Variants in PDE1A observed in about 807,000 individuals in gnomAD.
The protein encoded by PDE1A is phosphodiesterase 1A.
In PDE1A, 35 loss-of-function variants were observed where a neutral mutation model predicts 61.7. The ratio of observed to expected loss-of-function variants is 0.57; its 90% CI spans 0.43 to 0.75. PDE1A has a LOEUF of 0.75. Among genes scored for constraint, PDE1A ranks in the 30% least tolerant of loss-of-function variants. The pLI is 0.00. For synonymous variants in PDE1A, 232 were observed against 213.2 expected (o/e 1.09, Z -0.77); for missense variants, 597 against 630.6 (o/e 0.95, Z 0.57).
chr2:182,560,856 T>C, the PDE1A span, among the ~76,000 whole-genome samples: 1 of 152,204 alleles, frequency 6.6e-6, no homozygotes, highest in African/African-American at 2.4e-5. Flanking sequence ...GCTGCATAAA[T>C]GTCTTCTGAG....
chr2:182,162,064 G>T (rs1691412829), intron 13 of PDE1A, among the ~76,000 whole-genome samples: 1 of 152,124 alleles, frequency 6.6e-6, no homozygotes, highest in South Asian at 2.1e-4. Context: ...CCCCCACACT[G>T]GGAGGGTCCA....
At chr2:182,479,293 A>AT (rs1308170966) in intron 2 of PDE1A, among the ~76,000 whole-genome samples, 1 of 151,850 alleles carries the variant, frequency 6.6e-6, no homozygotes, top group Non-Finnish European at 1.5e-5. Flanking sequence ...CTGTCATTAC[A>AT]TTTACTCCCA....
At chr2:182,220,542 G>C (rs1233220410) in intron 7 of PDE1A, among the ~76,000 whole-genome samples, 4 of 152,094 alleles carry the variant, frequency 2.6e-5, no homozygotes, top group Non-Finnish European at 5.9e-5. Flanking sequence ...TCTAATGTTT[G>C]AGATGGTCTT....
intron 2 of PDE1A, among the ~76,000 whole-genome samples, chr2:182,251,267 C>G (rs1691381251): frequency 6.6e-6 from 1 of 152,050 alleles, no homozygotes; most frequent in Non-Finnish European, 1.5e-5. Flanking sequence ...GTTCCTTTAT[C>G]AGTACAAAAA....
chr2:182,321,692 C>G (rs1241508976), intron 1 of PDE1A, among the ~76,000 whole-genome samples: 1 of 152,068 alleles, frequency 6.6e-6, no homozygotes, highest in African/African-American at 2.4e-5. Context: ...AGTGGTTTTG[C>G]AAATTATTCC....
the PDE1A span, among the ~76,000 whole-genome samples, chr2:182,697,812 C>T: frequency 1.7e-3 from 263 of 152,312 alleles, 2 homozygotes; most frequent in African/African-American, 6.0e-3. Context: ...ATGGCTAAGA[C>T]ACTGGGCGCT....
At chr2:182,291,030 C>A (rs1207798152) in intron 1 of PDE1A, among the ~76,000 whole-genome samples, 2 of 152,014 alleles carry the variant, frequency 1.3e-5, no homozygotes, top group African/African-American at 4.8e-5. Context: ...ACATTAAATG[C>A]CACTGATTCT....
intron 2 of PDE1A, among the ~76,000 whole-genome samples, chr2:182,465,275 A>G (rs772270409): frequency 6.6e-6 from 1 of 152,146 alleles, no homozygotes; most frequent in Non-Finnish European, 1.5e-5. Flanking sequence ...CTTTCATCCA[A>G]TAATATTGTA....
the PDE1A span, among the ~76,000 whole-genome samples, chr2:182,693,637 CTTT>C: frequency 2.4e-5 from 3 of 123,424 alleles, no homozygotes; most frequent in Admixed American, 8.8e-5. Flanking sequence ...TGATAGTGTT[CTTT>C]TTTTTTTTTT....
At chr2:182,342,385 A>T (rs560659509) in intron 1 of PDE1A, among the ~76,000 whole-genome samples, 1 of 152,286 alleles carries the variant, frequency 6.6e-6, no homozygotes, top group Admixed American at 6.5e-5. Flanking sequence ...TGAAGCAAAA[A>T]ACATCACCTA....
At chr2:182,561,365 T>C in the PDE1A span, among the ~76,000 whole-genome samples, 1 of 152,074 alleles carries the variant, frequency 6.6e-6, no homozygotes, top group Admixed American at 6.5e-5. Flanking sequence ...CAGATAGTTG[T>C]AGATATGAGG....
At position 182,201,850 on chromosome 2, in the gene PDE1A, C is replaced by T. The variant is rs1328968870; in HGVS notation, c.903-61G>A. 6 of 988,838 alleles carry T rather than the reference C, an allele frequency of 6.1e-6. No individual in the cohort carries two copies. The South Asian group carries it at 8.7e-5, about 14-fold the overall frequency. 61.3% of individuals were successfully genotyped at this position (988,838 alleles called of 1,614,324 possible). On this transcript the variant is annotated intron_variant, in intron 8 of 13. Transcript: ENST00000351439. ...CCATTTATTGTTCTGAAGTGGAACA[C>T]TTCAATAAATAATCACTCACCATGT...
chr2:182,264,552 GA>G (rs1361187015), intron 1 of PDE1A, 138 bp from the exon 2 acceptor site: 10 of 583,600 alleles, frequency 1.7e-5, no homozygotes, highest in African/African-American at 5.6e-5. Flanking sequence ...ATTATTTTCA[GA>G]TTTTTTTTTG....
At chr2:182,185,751 A>C in intron 13 of PDE1A, 141 bp downstream of exon 13, 1 of 1,476,178 alleles carries the variant, frequency 6.8e-7, no homozygotes, top group Non-Finnish European at 9.1e-7. Context: ...CTCATGAATG[A>C]TCAAAGAGTA....
chr2:182,700,775 G>A, the PDE1A span, among the ~76,000 whole-genome samples: 2 of 138,368 alleles, frequency 1.4e-5, no homozygotes, highest in African/African-American at 5.1e-5. Context: ...AAATTAGCTG[G>A]GCGTATTGGC....
the PDE1A span, among the ~76,000 whole-genome samples, chr2:182,714,487 G>A: frequency 4.6e-5 from 7 of 152,222 alleles, no homozygotes; most frequent in Non-Finnish European, 1.0e-4. Flanking sequence ...CATTCAGTGG[G>A]TAGTATTCAG....
intron 4 of PDE1A, 25 bp from the exon 5 acceptor site, chr2:182,231,156 T>C (rs200898029): frequency 2.3e-4 from 250 of 1,107,232 alleles, no homozygotes; most frequent in Non-Finnish European, 3.1e-4. Flanking sequence ...ATAAATACTT[T>C]AGGTGCCAAT....
At chr2:182,321,645 G>T (rs572945957) in intron 1 of PDE1A, among the ~76,000 whole-genome samples, 2 of 152,052 alleles carry the variant, frequency 1.3e-5, no homozygotes, top group Non-Finnish European at 2.9e-5. Context: ...CTGAACACCT[G>T]TTTTTTCACT....
intron 1 of PDE1A, among the ~76,000 whole-genome samples, chr2:182,278,256 A>G (rs1204663918): frequency 1.3e-5 from 2 of 152,012 alleles, no homozygotes; most frequent in Admixed American, 6.6e-5. Context: ...AAGCTTACAC[A>G]ATTGAGTTGA....
Sources: allele counts gnomAD v4.1 joint callset (sites outside exome capture counted in the v4.1 genomes callset), GRCh38; gene constraint gnomAD v4.1.1; transcripts MANE v1.5; gene names NCBI Gene and HGNC (gene_info 2026-07-23, HGNC 2026-07-21).